CYFIP2: variants seen among roughly 807,000 people sequenced by gnomAD.
CYFIP2 encodes the protein cytoplasmic FMR1 interacting protein 2.
Under a neutral mutation model 158.7 loss-of-function variants are expected in CYFIP2, and 29 were observed. The observed-to-expected ratio is 0.18, with a 90% confidence interval of 0.14 to 0.25. The LOEUF (loss-of-function observed/expected upper bound fraction) is 0.25, where lower values mean the gene tolerates loss of function less well. Among genes scored for constraint, CYFIP2 ranks in the 10% least tolerant of loss-of-function variants. The probability of loss-of-function intolerance (pLI) is 1.00; values close to 1 mark genes in which losing one functional copy is unlikely to be tolerated. For missense variants in CYFIP2, 852 were observed against 1,639.5 expected (o/e 0.52, Z 8.29); for synonymous variants, 585 against 617.6 (o/e 0.95, Z 0.78).
Position 157,359,938 on chromosome 5 carries a change from T to C in CYFIP2, c.2818-344T>C, listed in dbSNP as rs375994474. On this transcript the variant is annotated intron_variant, in intron 24 of 30. Coordinates refer to ENST00000620254, the MANE Select transcript of CYFIP2 (RefSeq NM_001037333.3). Reference sequence around the variant, plus strand: ...GCCTTGGGCACAGGAGGGATGAATGTGCCATGAATTTTCCAGGCTGAAATT... The same window carrying C: ...GCCTTGGGCACAGGAGGGATGAATGCGCCATGAATTTTCCAGGCTGAAATT... Among the ~76,000 whole-genome samples, 11 of 152,360 alleles carry C rather than the reference T, an allele frequency of 7.2e-5. 1 individual carries two copies. The highest frequency in any genetic ancestry group is 6.5e-4 in the Admixed American group (10 of 15,306).
intron 3 of CYFIP2, among the ~76,000 whole-genome samples, chr5:157,287,784 G>A (rs1757509056): frequency 6.6e-6 from 1 of 152,116 alleles, no homozygotes; most frequent in Admixed American, 6.5e-5. Flanking sequence ...ACTGCAGACT[G>A]GATAATTTAT....
intron 26 of CYFIP2, 151 bp from the exon 27 acceptor site, chr5:157,382,439 G>C (rs1668783293): frequency 7.2e-6 from 5 of 698,870 alleles, no homozygotes; most frequent in Non-Finnish European, 1.2e-5. Context: ...ACTCAGAGAA[G>C]CTAAGTAACT....
At chr5:157,296,409 C>A in intron 4 of CYFIP2, 1 of 438,564 alleles carries the variant, frequency 2.3e-6, no homozygotes, top group Non-Finnish European at 4.5e-6. Context: ...GCCTGGGCAA[C>A]ATAGTGAGAC....
Position 157,310,963 on chromosome 5 carries a change from G to A in CYFIP2, c.993-701G>A, listed in dbSNP as rs76471399. 7.5e-4 allele frequency: 342 copies of A among 455,938 alleles called. 2 individuals are homozygous for A. The East Asian group carries it at 0.016, about 21-fold the overall frequency. The allele number at this position is 455,938 out of a possible 1,614,324, so 28.2% of individuals were successfully genotyped here. A position where few individuals can be genotyped will look rare whatever the true frequency, so the allele number is the denominator to read the frequency against. Reference sequence around the variant, plus strand: ...GTCCTTTTTCTCTTGGGGATGGAGAGTGAAGATGTTCATTCATTCATTTCC... The same window carrying A: ...GTCCTTTTTCTCTTGGGGATGGAGAATGAAGATGTTCATTCATTCATTTCC... On this transcript the variant is annotated intron_variant, in intron 10 of 30. Coordinates refer to ENST00000620254, the MANE Select transcript of CYFIP2 (RefSeq NM_001037333.3).
Position 157,311,549 on chromosome 5 carries a change from T to C in CYFIP2, c.993-115T>C. On this transcript the variant is annotated intron_variant, in intron 10 of 30. Coordinates refer to ENST00000620254, the MANE Select transcript of CYFIP2 (RefSeq NM_001037333.3). This position sits in a 1 kb window ranked among gnomAD's most constrained non-coding sequence, Gnocchi z 4.7. ...CTTGCTGAGGCGGCTGGGATACCAT[T>C]TGGTGTCACCCAGGGGAGTTGGCCA... 1.2e-6 allele frequency: 1 copy of C among 813,780 alleles called. No individual in the cohort carries two copies. Among genetic ancestry groups the C allele is most frequent in the Non-Finnish European group, 2.0e-6 (1 of 508,090 alleles). 50.4% of individuals were successfully genotyped at this position (813,780 alleles called of 1,614,324 possible).
intron 18 of CYFIP2, among the ~76,000 whole-genome samples, chr5:157,327,489 C>T (rs776018254): frequency 4.0e-5 from 6 of 151,002 alleles, no homozygotes; most frequent in East Asian, 2.0e-4. Flanking sequence ...CACTTGAACC[C>T]GGGAGGCGGA....
intron 26 of CYFIP2, among the ~76,000 whole-genome samples, chr5:157,372,167 T>G (rs1372921826): frequency 6.6e-6 from 1 of 152,208 alleles, no homozygotes; most frequent in African/African-American, 2.4e-5. Flanking sequence ...AGAAACATTT[T>G]AAGAACAATT....
chr5:157,369,889 T>TTTTG (rs1561774835), intron 26 of CYFIP2, among the ~76,000 whole-genome samples: 1 of 149,294 alleles, frequency 6.7e-6, no homozygotes, highest in African/African-American at 2.5e-5. Context: ...GTTTTTTTTT[T>TTTTG]TTTTTTTTTA....
intron 26 of CYFIP2, among the ~76,000 whole-genome samples, chr5:157,372,320 A>G (rs966399292): frequency 8.0e-5 from 12 of 150,910 alleles, no homozygotes; most frequent in East Asian, 3.9e-4. Flanking sequence ...AAGTGACTCA[A>G]TGTCTTCCAT....
intron 26 of CYFIP2, among the ~76,000 whole-genome samples, chr5:157,369,103 C>G (rs879726645): frequency 6.6e-6 from 1 of 152,014 alleles, no homozygotes; most frequent in South Asian, 2.1e-4. Flanking sequence ...TTCACCATAT[C>G]GGCCAGGCTG....
intron 7 of CYFIP2, among the ~76,000 whole-genome samples, chr5:157,303,740 G>A (rs1191414265): frequency 6.6e-6 from 1 of 152,014 alleles, no homozygotes; most frequent in Non-Finnish European, 1.5e-5. Flanking sequence ...GGAGAGAAAG[G>A]GCCTAGGGTG....
At chr5:157,363,246 T>G (rs552079588) in intron 26 of CYFIP2, 1 of 152,336 alleles carries the variant, frequency 6.6e-6, no homozygotes, top group East Asian at 1.9e-4. Context: ...AGGATGTTAC[T>G]CTGGGATGCC....
chr5:157,303,279 G>A (rs1758930902), intron 7 of CYFIP2, among the ~76,000 whole-genome samples: 1 of 152,120 alleles, frequency 6.6e-6, no homozygotes, highest in Non-Finnish European at 1.5e-5. Flanking sequence ...AGAATATTAT[G>A]AGAACCCATC....
chr5:157,327,473 G>A (rs1477583545), intron 18 of CYFIP2, among the ~76,000 whole-genome samples: 1 of 151,868 alleles, frequency 6.6e-6, no homozygotes, highest in East Asian at 1.9e-4. Context: ...GCTGAAGGAT[G>A]AGAATCACTT....
In CYFIP2 at chr5:157,311,675, C is replaced by G; in HGVS notation, c.1004C>G (p.Thr335Ser). The change falls in exon 11 of 31, where the codon ACC becomes AGC. Residue 335 changes from threonine to serine, a missense_variant. Transcript: ENST00000620254. The surrounding 1 kb of genome is among the most constrained non-coding windows in gnomAD (Gnocchi z 4.7). ...YEENKSKWTC[T>S]QSSISPQYNI... Reference sequence around the variant, plus strand: ...AATTTTCTACCCAGGTGGACGTGCACCCAGAGCAGCATCAGCCCCCAGTAC... The same window carrying G: ...AATTTTCTACCCAGGTGGACGTGCAGCCAGAGCAGCATCAGCCCCCAGTAC... 1.2e-6 allele frequency: 2 copies of G among 1,608,144 alleles called. No individual in the cohort carries two copies. The highest frequency in any genetic ancestry group is 1.7e-6 in the Non-Finnish European group (2 of 1,177,388).
intron 27 of CYFIP2, 88 bp downstream of exon 27, chr5:157,382,750 G>C: frequency 1.5e-6 from 2 of 1,336,018 alleles, no homozygotes; most frequent in South Asian, 2.5e-5. Context: ...GATCTAGTCA[G>C]CAAGGGGGAA....
chr5:157,338,056 TTCTG>T (rs1457248070), intron 21 of CYFIP2, among the ~76,000 whole-genome samples: 7 of 152,240 alleles, frequency 4.6e-5, no homozygotes, highest in African/African-American at 1.4e-4. Flanking sequence ...CTAAGGTGCT[TTCTG>T]TCTCTACATA....
intron 29 of CYFIP2, among the ~76,000 whole-genome samples, chr5:157,389,874 G>A (rs1283793364): frequency 1.3e-5 from 2 of 152,228 alleles, no homozygotes; most frequent in African/African-American, 4.8e-5. Context: ...TAGGCTTCCA[G>A]TACAGTGATG....
At chr5:157,341,789 A>T (rs1018243503) in intron 23 of CYFIP2, 2 of 155,026 alleles carry the variant, frequency 1.3e-5, no homozygotes, top group African/African-American at 4.8e-5. Context: ...TTTGTGCTCT[A>T]TAGATATAAG....
Sources: allele counts gnomAD v4.1 joint callset (sites outside exome capture counted in the v4.1 genomes callset), GRCh38; gene constraint gnomAD v4.1.1; non-coding constraint Gnocchi (gnomAD v3.1); transcripts MANE v1.5; gene names NCBI Gene and HGNC (gene_info 2026-07-23, HGNC 2026-07-21).